Variants in TFEC observed in about 807,000 individuals in gnomAD.
TFEC encodes the protein class E basic helix-loop-helix protein 34.
In TFEC, 31 loss-of-function variants were observed where a neutral mutation model predicts 41.6. The observed-to-expected ratio is 0.74, with a 90% CI of 0.56 to 1.01. TFEC has a LOEUF of 1.01. TFEC is among the 50% of genes least tolerant of loss of function. The probability of loss-of-function intolerance (pLI) is 0.00; values close to 1 mark genes in which losing one functional copy is unlikely to be tolerated. For missense variants in TFEC, 402 were observed against 404.1 expected (o/e 0.99, Z 0.04); for synonymous variants, 143 against 140.6 (o/e 1.02, Z -0.12).
At chr7:116,045,648 G>C (rs1796145702) in intron 3 of TFEC, among the ~76,000 whole-genome samples, 1 of 152,260 alleles carries the variant, frequency 6.6e-6, no homozygotes, top group African/African-American at 2.4e-5. Context: ...TGCTAGGGCA[G>C]TAAGAAAGGG....
intron 1 of TFEC, among the ~76,000 whole-genome samples, chr7:116,023,083 C>CAAAA (rs10714429): frequency 1.5e-5 from 2 of 135,114 alleles, no homozygotes; most frequent in Admixed American, 7.6e-5. Flanking sequence ...GTTCTTCCAG[C>CAAAA]AAAAAAAAAA....
At chr7:116,141,130 T>C (rs1009889524) in intron 1 of TFEC, among the ~76,000 whole-genome samples, 9 of 152,152 alleles carry the variant, frequency 5.9e-5, no homozygotes, top group Non-Finnish European at 1.2e-4. Context: ...AAGTAAGTGC[T>C]GTAAGAGTTG....
At chr7:116,010,940 C>A (rs1794978610) in intron 1 of TFEC, among the ~76,000 whole-genome samples, 1 of 152,128 alleles carries the variant, frequency 6.6e-6, no homozygotes. Flanking sequence ...ACTATTATAA[C>A]TTTCATATTA....
chr7:116,035,391 A>G (rs1053009331), upstream of TFEC, among the ~76,000 whole-genome samples: 2 of 152,200 alleles, frequency 1.3e-5, no homozygotes, highest in Non-Finnish European at 2.9e-5. Flanking sequence ...ATACAGAATT[A>G]AGGGCTCTTG....
intron 6 of TFEC, among the ~76,000 whole-genome samples, chr7:115,947,099 T>G (rs1255825921): frequency 1.7e-5 from 2 of 117,406 alleles, no homozygotes; most frequent in East Asian, 5.5e-4. Context: ...GTCCCCAGAG[T>G]GTGATGTTCC....
chr7:116,015,471 C>T (rs1379845512), intron 1 of TFEC, among the ~76,000 whole-genome samples: 1 of 152,066 alleles, frequency 6.6e-6, no homozygotes, highest in African/African-American at 2.4e-5. Flanking sequence ...AAGCACTACC[C>T]TAAGCTTTGT....
chr7:115,969,185 TAAC>T (rs915403477), intron 3 of TFEC, among the ~76,000 whole-genome samples: 1 of 151,794 alleles, frequency 6.6e-6, no homozygotes, highest in Non-Finnish European at 1.5e-5. Flanking sequence ...TGCTGGGTAC[TAAC>T]AACAACAAAA....
chr7:116,122,063 T>C (rs1798119142), intron 1 of TFEC, among the ~76,000 whole-genome samples: 1 of 151,908 alleles, frequency 6.6e-6, no homozygotes, highest in Non-Finnish European at 1.5e-5. Context: ...TATGGAGGAG[T>C]CTTCAGACTT....
At chr7:115,989,179 C>A (rs2130705422) in intron 1 of TFEC, among the ~76,000 whole-genome samples, 1 of 152,238 alleles carries the variant, frequency 6.6e-6, no homozygotes, top group African/African-American at 2.4e-5. Context: ...CAAAGAGCAT[C>A]AGAAACAGAA....
intron 1 of TFEC, among the ~76,000 whole-genome samples, chr7:116,014,739 A>C (rs1306011144): frequency 6.6e-6 from 1 of 152,060 alleles, no homozygotes; most frequent in Non-Finnish European, 1.5e-5. Context: ...ATTATCCTGG[A>C]TTATCGTGCA....
chr7:116,086,463 C>T (rs553406765), intron 3 of TFEC, among the ~76,000 whole-genome samples: 1 of 152,028 alleles, frequency 6.6e-6, no homozygotes, highest in South Asian at 2.1e-4. Flanking sequence ...ACATGTGTGG[C>T]ATAAAGATCA....
intron 1 of TFEC, among the ~76,000 whole-genome samples, chr7:116,019,225 C>A (rs1562936703): frequency 6.6e-6 from 1 of 152,190 alleles, no homozygotes; most frequent in South Asian, 2.1e-4. Flanking sequence ...ACCCCTCAAT[C>A]TACCCTTGTT....
chr7:115,947,441 G>A (rs1584559019), intron 6 of TFEC, among the ~76,000 whole-genome samples: 2 of 151,292 alleles, frequency 1.3e-5, no homozygotes, highest in African/African-American at 4.8e-5. Context: ...ACCCAGTAAT[G>A]GGATGGCTGG....
chr7:115,954,773 G>A (rs1792133837), intron 4 of TFEC, 131 bp from the exon 5 acceptor site: 2 of 662,456 alleles, frequency 3.0e-6, no homozygotes, highest in Non-Finnish European at 4.8e-6. Flanking sequence ...TATTTTTGAT[G>A]CAAATATTCA....
intron 3 of TFEC, among the ~76,000 whole-genome samples, chr7:115,973,240 A>G (rs1479951307): frequency 6.6e-6 from 1 of 151,962 alleles, no homozygotes; most frequent in Non-Finnish European, 1.5e-5. Context: ...CTCATTAGAT[A>G]GTCTACTTAA....
chr7:116,130,241 G>C (rs1177614725), intron 1 of TFEC, among the ~76,000 whole-genome samples: 1 of 152,092 alleles, frequency 6.6e-6, no homozygotes, highest in Non-Finnish European at 1.5e-5. Flanking sequence ...CTAGAAGTTT[G>C]TTTTCTTATC....
intron 2 of TFEC, among the ~76,000 whole-genome samples, chr7:115,979,257 A>G (rs1793519907): frequency 6.6e-6 from 1 of 152,120 alleles, no homozygotes; most frequent in African/African-American, 2.4e-5. Context: ...TTTAACATGG[A>G]GTACTAGCCT....
intron 1 of TFEC, among the ~76,000 whole-genome samples, chr7:116,145,892 T>C (rs1218075031): frequency 1.3e-5 from 2 of 152,186 alleles, no homozygotes; most frequent in Non-Finnish European, 2.9e-5. Flanking sequence ...GACTCAAGTA[T>C]GGTACATAAT....
intron 1 of TFEC, among the ~76,000 whole-genome samples, chr7:116,125,483 G>C (rs1037849710): frequency 6.6e-6 from 1 of 152,186 alleles, no homozygotes; most frequent in African/African-American, 2.4e-5. Context: ...TTTTTGAGCA[G>C]CTAAGACCAT....
Sources: gnomAD v4.1 joint callset for allele counts (sites outside exome capture counted in the v4.1 genomes callset) on GRCh38, gnomAD v4.1.1 for gene constraint, MANE v1.5 for transcripts, NCBI Gene and HGNC (gene_info 2026-07-23, HGNC 2026-07-21) for gene names.